Variants in PAN3 observed in about 807,000 individuals in gnomAD.
PAN3 encodes the protein poly(A) specific ribonuclease subunit PAN3, also known as PAN2-PAN3 deadenylation complex subunit PAN3.
A neutral mutation model predicts 96.2 loss-of-function variants in PAN3; 19 were observed. The observed-to-expected ratio is 0.20, with a 90% confidence interval of 0.14 to 0.29. The LOEUF is 0.29. Among genes scored for constraint, PAN3 ranks in the 10% least tolerant of loss-of-function variants. The probability of loss-of-function intolerance (pLI) is 1.00; values close to 1 mark genes in which losing one functional copy is unlikely to be tolerated. For missense variants in PAN3, 882 were observed against 1,108.1 expected (o/e 0.80, Z 2.90); for synonymous variants, 433 against 406.6 (o/e 1.06, Z -0.78).
intron 6 of PAN3, among the ~76,000 whole-genome samples, chr13:28,256,002 C>T (rs143220679): frequency 6.6e-6 from 1 of 152,100 alleles, no homozygotes; most frequent in African/African-American, 2.4e-5. Context: ...AATTTTTGGT[C>T]ACTCTTGCTA....
chr13:28,159,552 G>A (rs1029451681), intron 1 of PAN3, among the ~76,000 whole-genome samples: 3 of 152,114 alleles, frequency 2.0e-5, no homozygotes, highest in Non-Finnish European at 4.4e-5. Context: ...TGGTTCAAAC[G>A]ATTCTCCTGC....
chr13:28,209,319 A>G (rs1183298650), intron 5 of PAN3, among the ~76,000 whole-genome samples: 1 of 152,182 alleles, frequency 6.6e-6, no homozygotes, highest in East Asian at 1.9e-4. Flanking sequence ...TGTCTGATAT[A>G]TTTTAGTGAC....
intron 7 of PAN3, among the ~76,000 whole-genome samples, chr13:28,259,459 C>T (rs1037335694): frequency 6.6e-6 from 1 of 151,908 alleles, no homozygotes; most frequent in Admixed American, 6.6e-5. Context: ...GTGCATGCCA[C>T]CACACCCGGC....
chr13:28,204,519 A>G (rs140212443), intron 5 of PAN3, among the ~76,000 whole-genome samples: 3 of 152,234 alleles, frequency 2.0e-5, no homozygotes, highest in Non-Finnish European at 2.9e-5. Flanking sequence ...TATTTAGAGT[A>G]CAGCCTGCAG....
intron 6 of PAN3, among the ~76,000 whole-genome samples, chr13:28,244,163 G>T (rs2147186): frequency 1 from 151,978 of 152,336 alleles, 75,811 homozygotes; most frequent in Middle Eastern, 1. Context: ...AAGAACTGTA[G>T]GTTAAGCAGA....
intron 17 of PAN3, among the ~76,000 whole-genome samples, chr13:28,286,943 C>T (rs1369927965): frequency 1.3e-5 from 2 of 152,098 alleles, no homozygotes; most frequent in East Asian, 1.9e-4. Context: ...CTCATCCTGG[C>T]GTCAAATCTG....
intron 5 of PAN3, among the ~76,000 whole-genome samples, chr13:28,206,542 G>A (rs892055272): frequency 8.6e-5 from 13 of 151,602 alleles, no homozygotes; most frequent in Admixed American, 3.3e-4. Flanking sequence ...GGCTGGTCTC[G>A]AACTCCTGAC....
chr13:28,230,107 G>T (rs1477529012), intron 6 of PAN3, among the ~76,000 whole-genome samples: 1 of 149,000 alleles, frequency 6.7e-6, no homozygotes, highest in Non-Finnish European at 1.5e-5. Context: ...TCAAGGACTT[G>T]AATTGTTTCC....
At chr13:28,257,741 A>T (rs1167183415) in intron 7 of PAN3, among the ~76,000 whole-genome samples, 1 of 138,148 alleles carries the variant, frequency 7.2e-6, no homozygotes, top group Non-Finnish European at 1.5e-5. Flanking sequence ...TATATAAATT[A>T]TATATAATAT....
chr13:28,286,245 G>T (rs1030806911), intron 17 of PAN3, among the ~76,000 whole-genome samples: 2 of 152,122 alleles, frequency 1.3e-5, no homozygotes, highest in Non-Finnish European at 2.9e-5. Context: ...CCAGGGTTTG[G>T]GAACCACACA....
intron 1 of PAN3, among the ~76,000 whole-genome samples, chr13:28,164,129 A>G (rs1322261757): frequency 6.6e-6 from 1 of 152,192 alleles, no homozygotes; most frequent in African/African-American, 2.4e-5. Flanking sequence ...TGTAATTTAC[A>G]TGCTATTAAA....
At chr13:28,181,246 TG>T (rs1875728167) in intron 4 of PAN3, among the ~76,000 whole-genome samples, 1 of 152,092 alleles carries the variant, frequency 6.6e-6, no homozygotes, top group Admixed American at 6.6e-5. Context: ...CAATGGCTCA[TG>T]CCTGTAATCC....
At chr13:28,239,739 T>A in intron 6 of PAN3, 1 of 1,133,310 alleles carries the variant, frequency 8.8e-7, no homozygotes, top group Non-Finnish European at 1.2e-6. Flanking sequence ...TCAGCAACTT[T>A]TAATTCCCCT....
At chr13:28,161,708 C>G (rs945810781) in intron 1 of PAN3, among the ~76,000 whole-genome samples, 3 of 152,168 alleles carry the variant, frequency 2.0e-5, no homozygotes, top group Non-Finnish European at 4.4e-5. Context: ...AACTTGTTCT[C>G]TTCATGACTG....
At chr13:28,271,827 A>T (rs1418144281) in intron 13 of PAN3, among the ~76,000 whole-genome samples, 154 bp from the exon 14 acceptor site, 1 of 152,200 alleles carries the variant, frequency 6.6e-6, no homozygotes, top group Admixed American at 6.5e-5. Flanking sequence ...CATTTCTAAA[A>T]TGGTGGTTGG....
At position 28,261,477 on chromosome 13, in the gene PAN3, C is replaced by A; in HGVS notation, c.1411+19C>A. 6.3e-7 allele frequency: 1 copy of A among 1,595,358 alleles called. No individual in the cohort carries two copies. On this transcript the variant is annotated intron_variant, in intron 9 of 18. Transcript: ENST00000380958. ...ATGCCAGGTAAAAAGCAAGTTGATC[C>A]TTCCTTTCTTTTAAAGGCTGTTATA...
At chr13:28,276,403 G>A (rs559741308) in intron 14 of PAN3, among the ~76,000 whole-genome samples, 11 of 152,332 alleles carry the variant, frequency 7.2e-5, no homozygotes, top group African/African-American at 2.6e-4. Context: ...TTGAAGGCAT[G>A]TGGTTGTTAA....
At chr13:28,235,483 G>A (rs905689675) in intron 6 of PAN3, among the ~76,000 whole-genome samples, 2 of 151,928 alleles carry the variant, frequency 1.3e-5, no homozygotes, top group African/African-American at 4.8e-5. Context: ...TCATCTCTGT[G>A]CCTTTGCTTG....
At position 28,139,094 on chromosome 13, in the gene PAN3, G is replaced by A. The variant is rs1869215131; in HGVS notation, c.430+7G>A. The A allele has an allele frequency of 7.1e-6, 9 of 1,268,792 alleles. No homozygotes were observed. Among genetic ancestry groups the A allele is most frequent in the Non-Finnish European group, 8.9e-6 (9 of 1,008,694 alleles). The allele number at this position is 1,268,792 out of a possible 1,614,324, so 78.6% of individuals were successfully genotyped here. On this transcript the variant is annotated splice_region_variant and intron_variant, in intron 1 of 18. Transcript: ENST00000380958. ...GATGGACCGCGGCTGGCAAGTGAGT[G>A]TTTTTCGGGCGGGGCGGGCCGCGGC... is the stretch of plus-strand genomic sequence containing the variant.
Sources: gnomAD v4.1 joint callset for allele counts (sites outside exome capture counted in the v4.1 genomes callset) on GRCh38, gnomAD v4.1.1 for gene constraint, MANE v1.5 for transcripts, NCBI Gene and HGNC (gene_info 2026-07-23, HGNC 2026-07-21) for gene names.